The following DCAF6 variants were observed in gnomAD, a reference collection of about 807,000 sequenced individuals.
DCAF6 encodes the protein DDB1- and CUL4-associated factor 6.
DCAF6 carries 54 observed loss-of-function variants against 125.1 expected under a neutral mutation model. The ratio of observed to expected loss-of-function variants is 0.43; its 90% confidence interval spans 0.35 to 0.54. The LOEUF (loss-of-function observed/expected upper bound fraction) is 0.54, where lower values mean the gene tolerates loss of function less well. Among genes scored for constraint, DCAF6 ranks in the 20% least tolerant of loss-of-function variants. The pLI is 0.01. For synonymous variants in DCAF6, 371 were observed against 390.4 expected, an observed-to-expected ratio of 0.95 and a Z score of 0.58; for missense variants, 934 against 1,161.7, an observed-to-expected ratio of 0.80 and a Z score of 2.85.
chr1:167,972,481 T>C (rs1458388412), intron 3 of DCAF6, among the ~76,000 whole-genome samples: 1 of 152,174 alleles, frequency 6.6e-6, no homozygotes, highest in Admixed American at 6.5e-5. Context: ...CATGTACTGA[T>C]ATGATTTATA....
chr1:167,865,059 A>G, the DCAF6 span, among the ~76,000 whole-genome samples: 1 of 152,236 alleles, frequency 6.6e-6, no homozygotes, highest in Middle Eastern at 3.2e-3. Context: ...AAAGTCATAG[A>G]AAACGATGTT....
At chr1:167,902,118 T>G in the DCAF6 span, 1 of 1,459,212 alleles carries the variant, frequency 6.9e-7, no homozygotes, top group Non-Finnish European at 9.5e-7. Flanking sequence ...AAAACATCAT[T>G]CTTTCTTAGT....
chr1:168,007,727 A>G (rs990220644), intron 10 of DCAF6, among the ~76,000 whole-genome samples: 3 of 151,634 alleles, frequency 2.0e-5, no homozygotes, highest in East Asian at 1.9e-4. Context: ...TTCTTGTTCT[A>G]TCTCCTTCTG....
chr1:168,057,396 A>G (rs1291718935), intron 17 of DCAF6, among the ~76,000 whole-genome samples: 1 of 152,310 alleles, frequency 6.6e-6, no homozygotes, highest in East Asian at 1.9e-4. Context: ...ATTTTCTGGA[A>G]TATGCAATAG....
At chr1:168,035,634 CA>C (rs1243781151) in intron 12 of DCAF6, among the ~76,000 whole-genome samples, 2 of 152,232 alleles carry the variant, frequency 1.3e-5, no homozygotes, top group Non-Finnish European at 2.9e-5. Context: ...TAGTTTTACA[CA>C]AGGCTGATGA....
At chr1:167,956,276 G>A (rs1312566880) in intron 2 of DCAF6, among the ~76,000 whole-genome samples, 2 of 151,838 alleles carry the variant, frequency 1.3e-5, no homozygotes, top group African/African-American at 4.8e-5. Flanking sequence ...GGGTATCTAT[G>A]TCTTGAGTGA....
chr1:167,973,951 T>C (rs562805219), intron 3 of DCAF6, among the ~76,000 whole-genome samples: 1 of 152,332 alleles, frequency 6.6e-6, no homozygotes, highest in East Asian at 1.9e-4. Context: ...TTTTGTGAGA[T>C]ATTGCTAAAT....
At chr1:167,942,190 C>G (rs1672351954) in intron 1 of DCAF6, among the ~76,000 whole-genome samples, 1 of 152,162 alleles carries the variant, frequency 6.6e-6, no homozygotes, top group Non-Finnish European at 1.5e-5. Context: ...CTCAGCCTGC[C>G]AAGTAGCTGG....
chr1:168,063,904 TC>T, intron 18 of DCAF6, 145 bp downstream of exon 18: 2 of 733,840 alleles, frequency 2.7e-6, no homozygotes, highest in Non-Finnish European at 4.3e-6. Flanking sequence ...CCAACATGGT[TC>T]TTTTAGCCCT....
chr1:168,055,445 A>G (rs1299794629), intron 17 of DCAF6, among the ~76,000 whole-genome samples: 3 of 108,808 alleles, frequency 2.8e-5, no homozygotes, highest in Non-Finnish European at 3.4e-5. Context: ...GTATCGCAAA[A>G]TTAAGATAGT....
chr1:168,064,893 C>T (rs1692131849), intron 18 of DCAF6, among the ~76,000 whole-genome samples: 2 of 152,096 alleles, frequency 1.3e-5, no homozygotes, highest in Non-Finnish European at 2.9e-5. Context: ...ATATCATATG[C>T]CTTTGATTCT....
At chr1:168,061,116 C>G (rs1235812816) in intron 17 of DCAF6, among the ~76,000 whole-genome samples, 1 of 152,138 alleles carries the variant, frequency 6.6e-6, no homozygotes, top group Admixed American at 6.5e-5. Context: ...AAGTATGTCT[C>G]TTTCGAGAAT....
At chr1:167,940,750 T>C (rs1281213260) in intron 1 of DCAF6, among the ~76,000 whole-genome samples, 1 of 152,184 alleles carries the variant, frequency 6.6e-6, no homozygotes, top group African/African-American at 2.4e-5. Flanking sequence ...TCTTTCCTTT[T>C]GGACAGACAC....
chr1:167,871,967 A>C, the DCAF6 span, among the ~76,000 whole-genome samples: 2 of 152,240 alleles, frequency 1.3e-5, no homozygotes, highest in African/African-American at 2.4e-5. Context: ...ACATGTATAC[A>C]TATGTAACAA....
At chr1:167,896,768 AAG>A in the DCAF6 span, 1 of 1,019,832 alleles carries the variant, frequency 9.8e-7, no homozygotes, top group Middle Eastern at 3.0e-4. Flanking sequence ...TCTTAGCAGA[AAG>A]AGAGTATGCT....
Position 167,985,965 on chromosome 1 carries a change from C to T in DCAF6, c.439-1530C>T, listed in dbSNP as rs190749435. ...TTTACGATTTTATAAAAATGGGAAT[C>T]ATACTGTGCCTTCTCTTTTGTGTCT... On this transcript the variant is annotated intron_variant, in intron 4 of 21. Transcript: ENST00000367840. 4.8e-3 allele frequency among the ~76,000 whole-genome samples: 728 copies of T among 152,268 alleles called. 2 individuals are homozygous for T. The highest frequency in any genetic ancestry group is 7.2e-3 in the Non-Finnish European group (491 of 68,016).
At chr1:167,929,258 T>C in the DCAF6 span, among the ~76,000 whole-genome samples, 15 of 151,996 alleles carry the variant, frequency 9.9e-5, no homozygotes, top group African/African-American at 3.6e-4. Flanking sequence ...CTTGGGAAGG[T>C]TGAGGCAGGG....
intron 13 of DCAF6, among the ~76,000 whole-genome samples, chr1:168,039,689 T>G (rs975683201): frequency 2.8e-5 from 4 of 144,646 alleles, no homozygotes; most frequent in African/African-American, 1.1e-4. Context: ...TATTAATATA[T>G]TAAATATTTA....
At chr1:167,882,645 C>T in the DCAF6 span, among the ~76,000 whole-genome samples, 1 of 151,988 alleles carries the variant, frequency 6.6e-6, no homozygotes. Flanking sequence ...ACTAAAGACT[C>T]CTGACCTGAA....
Sources: gnomAD v4.1 joint callset for allele counts (sites outside exome capture counted in the v4.1 genomes callset) on GRCh38, gnomAD v4.1.1 for gene constraint, MANE v1.5 for transcripts, NCBI Gene and HGNC (gene_info 2026-07-23, HGNC 2026-07-21) for gene names.